PRKN: variants seen among roughly 807,000 people sequenced by gnomAD.
The protein encoded by PRKN is parkin RBR E3 ubiquitin protein ligase, also known as E3 ubiquitin-protein ligase parkin.
In PRKN, 56 loss-of-function variants were observed where a neutral mutation model predicts 59.5. The ratio of observed to expected loss-of-function variants is 0.94; its 90% CI spans 0.76 to 1.18. The LOEUF (loss-of-function observed/expected upper bound fraction) is 1.18, where lower values mean the gene tolerates loss of function less well. PRKN is among the 50% of genes most tolerant of loss of function. PRKN has a pLI of 0.00. For synonymous variants in PRKN, 250 were observed against 222.1 expected (o/e 1.13, Z -1.12); for missense variants, 657 against 596.4 (o/e 1.10, Z -1.06).
chr6:161,774,382 G>GCACACACACACA (rs3220723), intron 7 of PRKN, among the ~76,000 whole-genome samples: 1 of 130,932 alleles, frequency 7.6e-6, no homozygotes, highest in African/African-American at 2.9e-5. Context: ...TACTCCCTGA[G>GCACACACACACA]CACACACACA....
rs981818656 is a variant in PRKN, at chr6:161,575,133, A to G, written c.872-5717T>C. On this transcript the variant is annotated intron_variant, in intron 7 of 11. Coordinates refer to ENST00000366898, the MANE Select transcript of PRKN (RefSeq NM_004562.3). This position sits in a 1 kb window ranked among gnomAD's most constrained non-coding sequence, Gnocchi z 4.6. ...AAAAATCTGAGCTCATTGGTGTTCA[A>G]TGAATACCAGCTTTTTGGTGTTAAA... is the stretch of plus-strand genomic sequence containing the variant. 1.8e-4 allele frequency among the ~76,000 whole-genome samples: 28 copies of G among 152,224 alleles called. No individual in the cohort carries two copies. Among genetic ancestry groups the G allele is most frequent in the African/African-American group, 6.5e-4 (27 of 41,464 alleles).
At chr6:161,777,765 A>ATATATGTC (rs1789999858) in intron 7 of PRKN, among the ~76,000 whole-genome samples, 1 of 142,168 alleles carries the variant, frequency 7.0e-6, no homozygotes, top group Non-Finnish European at 1.5e-5. Context: ...ATGTATATGT[A>ATATATGTC]TATATGTATA....
chr6:162,183,803 C>T (rs1583165574), intron 4 of PRKN, among the ~76,000 whole-genome samples: 1 of 152,162 alleles, frequency 6.6e-6, no homozygotes, highest in South Asian at 2.1e-4. Context: ...CCCTACCATA[C>T]ACCCCATTTA....
chr6:161,500,864 G>GTTTTTTTTTTTTTTTTTTTTTTT (rs373088841), intron 9 of PRKN, among the ~76,000 whole-genome samples: 1 of 132,542 alleles, frequency 7.5e-6, no homozygotes. Flanking sequence ...GTTTAGTTTA[G>GTTTTTTTTTTTTTTTTTTTTTTT]TTTTTTTTTT....
At chr6:162,167,470 A>C (rs1783039143) in intron 4 of PRKN, among the ~76,000 whole-genome samples, 1 of 152,208 alleles carries the variant, frequency 6.6e-6, no homozygotes. Context: ...GCAAACACTA[A>C]GGAAGTCTAT....
chr6:161,675,095 A>G (rs1562599584), intron 7 of PRKN, among the ~76,000 whole-genome samples: 1 of 152,202 alleles, frequency 6.6e-6, no homozygotes, highest in African/African-American at 2.4e-5. Context: ...CCCTGGAGTC[A>G]TACATCCCTG....
rs183817089 is a variant in PRKN, at chr6:162,723,992, A to G, written c.7+3670T>C. On this transcript the variant is annotated intron_variant, in intron 1 of 11. Transcript: ENST00000366898. ...TCTTCTTAAAAGTCTAAGACACTGA[A>G]TGTGTATTTCAATACTGACAACATT... Among the ~76,000 whole-genome samples, 102 of 152,286 alleles carry G rather than the reference A, an allele frequency of 6.7e-4. No individual in the cohort carries two copies. The East Asian group carries it at 9.9e-3, about 15-fold the overall frequency.
chr6:161,442,799 AG>A lies in PRKN; in HGVS notation c.1084-55923del, dbSNP rs1447018429. Among the ~76,000 whole-genome samples the A allele has an allele frequency of 2.6e-5, 4 of 152,184 alleles. No individual in the cohort carries two copies. The highest frequency in any genetic ancestry group is 5.9e-5 in the Non-Finnish European group (4 of 68,030). On this transcript the variant is annotated intron_variant, in intron 9 of 11. Coordinates refer to ENST00000366898, the MANE Select transcript of PRKN (RefSeq NM_004562.3). The surrounding 1 kb of genome is among the most constrained non-coding windows in gnomAD (Gnocchi z 4.6). ...GAGCCTCTGCCAGGAAGCAAAAGAG[AG>A]GTTCTCTTCCCTTTCATTTTGGACA...
In PRKN at chr6:161,986,054, G is replaced by A. The variant is rs569603009; in HGVS notation, c.619-12637C>T. Reference sequence around the variant, plus strand: ...CTCTCCATAAGATACATCCACCAGTGTGTCATGTCAGTTTACCATTGCCAT... The same window carrying A: ...CTCTCCATAAGATACATCCACCAGTATGTCATGTCAGTTTACCATTGCCAT... On this transcript the variant is annotated intron_variant, in intron 5 of 11. Transcript: ENST00000366898. 5.3e-5 allele frequency among the ~76,000 whole-genome samples: 8 copies of A among 152,260 alleles called. No individual in the cohort carries two copies. In the South Asian group the frequency reaches 8.3e-4, roughly 16 times the overall value.
At chr6:162,345,316 G>A (rs1784352239) in intron 2 of PRKN, among the ~76,000 whole-genome samples, 1 of 152,182 alleles carries the variant, frequency 6.6e-6, no homozygotes, top group Non-Finnish European at 1.5e-5. Flanking sequence ...TAGGCTTGAA[G>A]CAAAATAAAT....
At chr6:162,101,599 G>A (rs372586498) in intron 4 of PRKN, among the ~76,000 whole-genome samples, 3 of 152,054 alleles carry the variant, frequency 2.0e-5, no homozygotes, top group African/African-American at 7.2e-5. Context: ...GTAAACCCGG[G>A]AGGTGGAGCT....
At chr6:161,957,361 C>A (rs1180507292) in intron 6 of PRKN, among the ~76,000 whole-genome samples, 3 of 151,780 alleles carry the variant, frequency 2.0e-5, no homozygotes, top group Non-Finnish European at 4.4e-5. Flanking sequence ...AAGCAATCAA[C>A]TGCAGATGCA....
intron 6 of PRKN, among the ~76,000 whole-genome samples, chr6:161,972,385 T>A (rs1780851273): frequency 6.6e-6 from 1 of 152,218 alleles, no homozygotes; most frequent in Non-Finnish European, 1.5e-5. Flanking sequence ...TAATTTCTTT[T>A]CTCTGTCCAT....
At chr6:162,369,510 T>C (rs912780541) in intron 2 of PRKN, among the ~76,000 whole-genome samples, 2 of 152,220 alleles carry the variant, frequency 1.3e-5, no homozygotes, top group Admixed American at 6.5e-5. Flanking sequence ...GGTGATACAA[T>C]TGTACACATT....
intron 4 of PRKN, among the ~76,000 whole-genome samples, chr6:162,164,675 A>C (rs1435318119): frequency 6.7e-6 from 1 of 149,058 alleles, no homozygotes; most frequent in African/African-American, 2.5e-5. Flanking sequence ...ATTATAATGA[A>C]GTATAGCAGA....
intron 2 of PRKN, among the ~76,000 whole-genome samples, chr6:162,310,220 A>C (rs528128444): frequency 6.6e-6 from 1 of 152,272 alleles, no homozygotes; most frequent in South Asian, 2.1e-4. Context: ...CTCATGTCAC[A>C]TGTCAACCAA....
rs1376720071 is a variant in PRKN at position 161,470,011 on chromosome 6, C to T, written c.1083+78843G>A. ...TTACTATGAACCGGGCATTGCTAGG[C>T]TGAACATCCAACATACATAGTTTCC... is the stretch of plus-strand genomic sequence containing the variant. On this transcript the variant is annotated intron_variant, in intron 9 of 11. Transcript: ENST00000366898. This position sits in a 1 kb window ranked among gnomAD's most constrained non-coding sequence, Gnocchi z 5.1. Among the ~76,000 whole-genome samples, 2 of 152,154 alleles carry T rather than the reference C, an allele frequency of 1.3e-5. No individual in the cohort carries two copies. Among genetic ancestry groups the T allele is most frequent in the Admixed American group, 1.3e-4 (2 of 15,286 alleles).
intron 6 of PRKN, among the ~76,000 whole-genome samples, chr6:161,804,652 T>G (rs1791232773): frequency 6.6e-6 from 1 of 152,238 alleles, no homozygotes; most frequent in African/African-American, 2.4e-5. Flanking sequence ...TCTATTTTAA[T>G]AACACTTAGC....
At position 161,545,467 on chromosome 6, in the gene PRKN, A is replaced by G. The variant is rs992890777; in HGVS notation, c.1083+3387T>C. The G allele has an allele frequency of 2.0e-6, 3 of 1,483,774 alleles. No homozygotes were observed. Among genetic ancestry groups the G allele is most frequent in the African/African-American group, 2.8e-5 (2 of 72,266 alleles). 91.9% of individuals were successfully genotyped at this position (1,483,774 alleles called of 1,614,324 possible). On this transcript the variant is annotated intron_variant, in intron 9 of 11. Transcript: ENST00000366898. The surrounding 1 kb of genome is among the most constrained non-coding windows in gnomAD (Gnocchi z 4.1). ...GAGAGCAAAGAGTAAAAAGAGATTC[A>G]CCTTCTTCTAACTTTTATGTATTTG...
Sources: allele counts gnomAD v4.1 joint callset (sites outside exome capture counted in the v4.1 genomes callset), GRCh38; gene constraint gnomAD v4.1.1; non-coding constraint Gnocchi (gnomAD v3.1); transcripts MANE v1.5; gene names NCBI Gene and HGNC (gene_info 2026-07-23, HGNC 2026-07-21).